The following CCDC122 variants were observed in gnomAD, a reference collection of about 807,000 sequenced individuals.
CCDC122 encodes the protein coiled-coil domain-containing protein 122.
In CCDC122, 38 loss-of-function variants were observed where a neutral mutation model predicts 37.0. That is an observed-to-expected ratio of 1.03 (90% CI 0.79 to 1.35). The LOEUF (loss-of-function observed/expected upper bound fraction) is 1.35, where lower values mean the gene tolerates loss of function less well. CCDC122 is among the 40% of genes most tolerant of loss of function. The pLI is 0.00. For synonymous variants in CCDC122, 83 were observed against 95.6 expected, an observed-to-expected ratio of 0.87 and a Z score of 0.77; for missense variants, 305 against 310.0, an observed-to-expected ratio of 0.98 and a Z score of 0.12.
chr13:43,843,653 T>C (rs1953427849), intron 6 of CCDC122, among the ~76,000 whole-genome samples: 1 of 151,928 alleles, frequency 6.6e-6, no homozygotes, highest in African/African-American at 2.4e-5. Flanking sequence ...TTTCCTTAAA[T>C]ATATGATTAG....
chr13:43,844,802 T>C (rs1035408853), intron 6 of CCDC122, among the ~76,000 whole-genome samples: 1 of 152,168 alleles, frequency 6.6e-6, no homozygotes, highest in Non-Finnish European at 1.5e-5. Flanking sequence ...AAGATTGGTG[T>C]ATTCATCGTG....
intron 1 of CCDC122, chr13:43,877,808 A>T (rs1226068658): frequency 6.6e-6 from 1 of 152,236 alleles, no homozygotes; most frequent in Admixed American, 6.5e-5. Flanking sequence ...TAGAGGTTAA[A>T]ACAAAACAAA....
At position 43,837,120 on chromosome 13, in the gene CCDC122, C is replaced by G. The variant is rs1953189655; in HGVS notation, c.*160G>C. The G allele has an allele frequency of 1.5e-6, 1 of 648,686 alleles. No homozygotes were observed. Among genetic ancestry groups the G allele is most frequent in the Non-Finnish European group, 2.6e-6 (1 of 386,128 alleles). 40.2% of individuals were successfully genotyped at this position (648,686 alleles called of 1,614,324 possible). A position where few individuals can be genotyped will look rare whatever the true frequency, so the allele number is the denominator to read the frequency against. On this transcript the variant is annotated 3_prime_UTR_variant, in exon 7 of 7. Coordinates refer to ENST00000444614, the MANE Select transcript of CCDC122 (RefSeq NM_144974.5). ...AGGGTTAGAAGGCATTTTAACAAAT[C>G]GATGACTGATTTAAAAAAAACAACA...
intron 3 of CCDC122, among the ~76,000 whole-genome samples, chr13:43,829,682 C>G (rs1953070428): frequency 6.6e-6 from 1 of 152,124 alleles, no homozygotes; most frequent in East Asian, 1.9e-4. Flanking sequence ...TCTGTACAGA[C>G]ATAAGTTGCT....
chr13:43,879,144 G>A (rs1432116907), intron 1 of CCDC122: 1 of 152,176 alleles, frequency 6.6e-6, no homozygotes, highest in Non-Finnish European at 1.5e-5. Context: ...GCAGAAGGGA[G>A]ACTGCGGTTT....
At chr13:43,827,633 T>C (rs1314491872) in intron 3 of CCDC122, among the ~76,000 whole-genome samples, 1 of 152,156 alleles carries the variant, frequency 6.6e-6, no homozygotes, top group Non-Finnish European at 1.5e-5. Flanking sequence ...AGATGAAAAA[T>C]ACAGTATTCT....
chr13:43,863,381 C>T (rs965197997), intron 4 of CCDC122, among the ~76,000 whole-genome samples: 6 of 151,830 alleles, frequency 4.0e-5, no homozygotes, highest in Non-Finnish European at 5.9e-5. Flanking sequence ...AGTAGTATTC[C>T]GTTGTATGGA....
rs767919307 is a variant in CCDC122, at chr13:43,837,412, A to G, written c.690T>C (p.Tyr230=). The G allele has an allele frequency of 6.2e-6, 10 of 1,613,820 alleles. No individual in the cohort carries two copies. Among genetic ancestry groups the G allele is most frequent in the African/African-American group, 1.3e-5 (1 of 74,902 alleles). Residue 230 remains tyrosine, a synonymous_variant, in exon 7 of 7, where the codon TAT becomes TAC. Transcript: ENST00000444614. ...RKEIEVQHKR[Y]DAILKRLHCQ... is the part of the protein sequence containing the mutation. ...AATGCAAACGCTTAAGAATTGCATC[A>G]TACCTCTTATGTTGTACCTATCAAA...
chr13:43,862,849 A>G (rs1039468422), intron 4 of CCDC122, among the ~76,000 whole-genome samples: 2 of 152,102 alleles, frequency 1.3e-5, no homozygotes, highest in Non-Finnish European at 2.9e-5. Context: ...GTAATTGACT[A>G]TTAATTTTTC....
chr13:43,842,097 G>C (rs1393170025), intron 6 of CCDC122, among the ~76,000 whole-genome samples: 1 of 152,130 alleles, frequency 6.6e-6, no homozygotes, highest in African/African-American at 2.4e-5. Flanking sequence ...GGTTAGCAAA[G>C]TTTGTGTACC....
downstream of CCDC122, among the ~76,000 whole-genome samples, chr13:43,820,453 G>A (rs1408511424): frequency 1.3e-5 from 2 of 152,112 alleles, no homozygotes; most frequent in South Asian, 2.1e-4. Context: ...GGGTTTTGCC[G>A]AAAGGACATT....
intron 3 of CCDC122, among the ~76,000 whole-genome samples, chr13:43,829,367 G>A (rs1953067676): frequency 6.6e-6 from 1 of 152,106 alleles, no homozygotes; most frequent in South Asian, 2.1e-4. Context: ...GTACAGTGGT[G>A]CGATCTCGGC....
chr13:43,847,170 G>T (rs1953568966), intron 6 of CCDC122, among the ~76,000 whole-genome samples: 1 of 152,130 alleles, frequency 6.6e-6, no homozygotes, highest in African/African-American at 2.4e-5. Flanking sequence ...AGGCCAATTT[G>T]CACCAATATG....
At chr13:43,820,963 A>G (rs1952988765), downstream of CCDC122, among the ~76,000 whole-genome samples, 1 of 152,200 alleles carries the variant, frequency 6.6e-6, no homozygotes, top group African/African-American at 2.4e-5. Flanking sequence ...ATTTAGAACA[A>G]TGTTTGATAT....
At chr13:43,858,057 G>A (rs1454033019) in intron 6 of CCDC122, 1 of 152,014 alleles carries the variant, frequency 6.6e-6, no homozygotes, top group African/African-American at 2.4e-5. Context: ...AGGTAAAATC[G>A]TGATATTTTT....
chr13:43,846,235 C>T (rs550668860), intron 6 of CCDC122, among the ~76,000 whole-genome samples: 167 of 152,112 alleles, frequency 1.1e-3, no homozygotes, highest in African/African-American at 3.2e-3. Context: ...CCACCACGCC[C>T]GGCTAATTTT....
intron 1 of CCDC122, among the ~76,000 whole-genome samples, chr13:43,875,342 C>T (rs1034102267): frequency 6.6e-6 from 1 of 152,122 alleles, no homozygotes; most frequent in Non-Finnish European, 1.5e-5. Flanking sequence ...TAAATAGTGC[C>T]CTCCCGCACA....
At chr13:43,847,707 C>G (rs1311894336) in intron 6 of CCDC122, among the ~76,000 whole-genome samples, 1 of 152,134 alleles carries the variant, frequency 6.6e-6, no homozygotes, top group Non-Finnish European at 1.5e-5. Flanking sequence ...ACTATATTAT[C>G]TTTGCATCTA....
intron 6 of CCDC122, among the ~76,000 whole-genome samples, chr13:43,844,806 C>T (rs531827597): frequency 6.6e-6 from 1 of 152,032 alleles, no homozygotes; most frequent in Non-Finnish European, 1.5e-5. Context: ...TTGGTGTATT[C>T]ATCGTGTATC....
Sources: gnomAD v4.1 joint callset for allele counts (sites outside exome capture counted in the v4.1 genomes callset) on GRCh38, gnomAD v4.1.1 for gene constraint, MANE v1.5 for transcripts, NCBI Gene and HGNC (gene_info 2026-07-23, HGNC 2026-07-21) for gene names.